Variants in TCTN2 observed in about 807,000 individuals in gnomAD.
The protein encoded by TCTN2 is tectonic family member 2.
Under a neutral mutation model 83.4 loss-of-function variants are expected in TCTN2, and 66 were observed. That is an observed-to-expected ratio of 0.79 (90% CI 0.65 to 0.97). TCTN2 has a LOEUF of 0.97. TCTN2 is among the 50% of genes least tolerant of loss of function. The probability of loss-of-function intolerance (pLI) is 0.00; values close to 1 mark genes in which losing one functional copy is unlikely to be tolerated. For missense variants in TCTN2, 794 were observed against 858.1 expected, an observed-to-expected ratio of 0.93 and a Z score of 0.93; for synonymous variants, 301 against 326.7, an observed-to-expected ratio of 0.92 and a Z score of 0.85.
chr12:123,694,757 G>T lies in TCTN2; in HGVS notation c.1100-85G>T, dbSNP rs921919256. On this transcript the variant is annotated intron_variant, in intron 9 of 17. Transcript: ENST00000303372. ...GGCAGGGGCAGGGCACTTGGGGAAG[G>T]CCACGCAAGCAGAGAGAACCTCCCA... 4.0e-6 allele frequency: 6 copies of T among 1,496,950 alleles called. No individual in the cohort carries two copies. The South Asian group carries it at 5.7e-5, about 14-fold the overall frequency. The allele number at this position is 1,496,950 out of a possible 1,614,324, so 92.7% of individuals were successfully genotyped here. A position where few individuals can be genotyped will look rare whatever the true frequency, so the allele number is the denominator to read the frequency against.
Position 123,697,506 on chromosome 12 carries a change from G to T in TCTN2, c.1505+308G>T, listed in dbSNP as rs577677196. Among the ~76,000 whole-genome samples the T allele has an allele frequency of 3.3e-5, 5 of 151,916 alleles. No individual in the cohort carries two copies. The East Asian group carries it at 5.8e-4, about 18-fold the overall frequency. On this transcript the variant is annotated intron_variant, in intron 13 of 17. Transcript: ENST00000303372. ...GAACCTTTTTTGTTGTTGTTGTGTG[G>T]TTTTTTTTGTTGAGATGAAGTCTCA...
intron 9 of TCTN2, among the ~76,000 whole-genome samples, chr12:123,694,469 C>T (rs769535464): frequency 2.0e-5 from 3 of 152,350 alleles, no homozygotes; most frequent in South Asian, 2.1e-4. Flanking sequence ...GGAGTTCCTA[C>T]GCCGTAGTAG....
In TCTN2 at chr12:123,673,695, C is replaced by G. The variant is rs1372668199; in HGVS notation, c.348C>G (p.Ser116=). The part of the protein sequence containing the change: ...SSNETDSFSE[S]PCILQTLLVS... ...ATGAGACAGATTCCTTCTCAGAGTC[C>G]CCCTGTATCCTCCAGACCCTTCTGG... The change falls in exon 4 of 18, where the codon TCC becomes TCG. Residue 116 remains serine (S), a synonymous_variant. Coordinates refer to ENST00000303372, the MANE Select transcript of TCTN2 (RefSeq NM_024809.5). The G allele has an allele frequency of 6.2e-7, 1 of 1,614,166 alleles. No individual in the cohort carries two copies. The highest frequency in any genetic ancestry group is 2.2e-5 in the East Asian group (1 of 44,888).
intron 5 of TCTN2, among the ~76,000 whole-genome samples, chr12:123,685,173 C>T (rs951965343): frequency 2.6e-5 from 4 of 152,122 alleles, no homozygotes; most frequent in African/African-American, 9.7e-5. Context: ...CTCCCTTTTG[C>T]ATGTGTTGTG....
At chr12:123,696,261 G>T in intron 11 of TCTN2, 154 bp from the exon 12 acceptor site, 2 of 652,830 alleles carry the variant, frequency 3.1e-6, no homozygotes, top group African/African-American at 1.9e-5. Flanking sequence ...TGTTTTTTTT[G>T]AGACCCGAAG....
chr12:123,689,675 C>T (rs1029021014), intron 7 of TCTN2, among the ~76,000 whole-genome samples: 17 of 152,106 alleles, frequency 1.1e-4, no homozygotes, highest in Non-Finnish European at 2.4e-4. Flanking sequence ...TCACTACCCT[C>T]AAGTAGGGTC....
Position 123,686,904 on chromosome 12 carries a change from C to T in TCTN2, c.633C>T (p.Val211=), listed in dbSNP as rs569266771. The change falls in exon 6 of 18, where the codon GTC becomes GTT. Residue 211 remains valine, a synonymous_variant. Transcript: ENST00000303372. The part of the protein sequence containing the change: ...SCFTGVFGGD[V]NPPFDQLCSA... ...TCACCGGCGTGTTTGGAGGAGACGT[C>T]AATCCTCCTTTTGATCAGCTCTGCT... 6.2e-7 allele frequency: 1 copy of T among 1,614,198 alleles called. No individual in the cohort carries two copies. The highest frequency in any genetic ancestry group is 1.1e-5 in the South Asian group (1 of 91,084).
At chr12:123,704,397 C>A in intron 14 of TCTN2, 135 bp from the exon 15 acceptor site, 3 of 868,804 alleles carry the variant, frequency 3.5e-6, no homozygotes, top group Non-Finnish European at 5.5e-6. Flanking sequence ...TGACAAGTAA[C>A]TAGAGCCTGT....
chr12:123,672,081 A>G lies in TCTN2; in HGVS notation c.216A>G (p.Gly72=). The change falls in exon 3 of 18, where the codon GGA becomes GGG. Residue 72 remains glycine, a synonymous_variant. Coordinates refer to ENST00000303372, the MANE Select transcript of TCTN2 (RefSeq NM_024809.5). ...GAATATTGCCAATTCCGACGTGTGG[A>G]GTGCTGAACAATGAGACGGAAGACT... The part of the protein sequence containing the change: ...EAGILPIPTC[G]VLNNETEDWS... The G allele has an allele frequency of 1.2e-6, 2 of 1,614,088 alleles. No individual in the cohort carries two copies. Among genetic ancestry groups the G allele is most frequent in the South Asian group, 2.2e-5 (2 of 91,068 alleles).
chr12:123,686,982 G>A lies in TCTN2; in HGVS notation c.711G>A (p.Val237=), dbSNP rs1259591585. 1 of 1,614,030 alleles carries A rather than the reference G, an allele frequency of 6.2e-7. No homozygotes were observed. The highest frequency in any genetic ancestry group is 1.3e-5 in the African/African-American group (1 of 74,908). The part of the protein sequence containing the change: ...GVPDWFPFLC[V]QSPLANTPFL... ...CCGATTGGTTTCCCTTTCTGTGTGT[G>A]CAGTCCCCCCTTGCCAACACACCCT... The change falls in exon 6 of 18, where the codon GTG becomes GTA. Residue 237 remains valine, a synonymous_variant. Coordinates refer to ENST00000303372, the MANE Select transcript of TCTN2 (RefSeq NM_024809.5).
At position 123,673,732 on chromosome 12, in the gene TCTN2, C is replaced by T. The variant is rs1955785433; in HGVS notation, c.385C>T (p.His129Tyr). The part of the protein sequence containing the change: ...ILQTLLVSAS[H>Y]NSSCSAHLLI... ...CCAGACCCTTCTGGTTTCAGCATCT[C>T]ATAATTCATCCTGTTCAGCACATCT... Residue 129 changes from histidine (H) to tyrosine (Y), a missense_variant, in exon 4 of 18, where the codon CAT (histidine) becomes TAT (tyrosine). His to Tyr is a moderately conservative substitution (Grantham distance 83, BLOSUM62 2). Transcript: ENST00000303372. 6.2e-7 allele frequency: 1 copy of T among 1,614,098 alleles called. No individual in the cohort carries two copies. Among genetic ancestry groups the T allele is most frequent in the African/African-American group, 1.3e-5 (1 of 74,924 alleles).
intron 4 of TCTN2, 80 bp downstream of exon 4, chr12:123,673,890 C>A: frequency 1.4e-6 from 2 of 1,426,922 alleles, no homozygotes; most frequent in Non-Finnish European, 2.0e-6. Flanking sequence ...ATTGCTTGAG[C>A]CCGGGAGGTT....
chr12:123,704,799 C>G (rs897243158), intron 15 of TCTN2, 111 bp downstream of exon 15: 3 of 1,172,528 alleles, frequency 2.6e-6, no homozygotes, highest in Non-Finnish European at 3.8e-6. Context: ...TTACAACTTG[C>G]AATTATTAGC....
At chr12:123,689,491 A>G (rs1220690291) in intron 7 of TCTN2, among the ~76,000 whole-genome samples, 2 of 152,150 alleles carry the variant, frequency 1.3e-5, no homozygotes, top group Non-Finnish European at 2.9e-5. Context: ...AGCAGTAACT[A>G]TCATTCTTTG....
In TCTN2 at chr12:123,686,805, C is replaced by T. The variant is rs200064894; in HGVS notation, c.565-31C>T. The T allele has an allele frequency of 4.3e-6, 7 of 1,611,240 alleles. No individual in the cohort carries two copies. The African/African-American group carries it at 9.3e-5, about 21-fold the overall frequency. On this transcript the variant is annotated intron_variant, in intron 5 of 17. Coordinates refer to ENST00000303372, the MANE Select transcript of TCTN2 (RefSeq NM_024809.5). ...CTTGCCAGGAGATCCTGACCACGGT[C>T]ACAGCTCCTGCCTTTATGTTTGTCT...
At position 123,704,046 on chromosome 12, in the gene TCTN2, C is replaced by T. The variant is rs1255617830; in HGVS notation, c.1613-486C>T. On this transcript the variant is annotated intron_variant, in intron 14 of 17. Coordinates refer to ENST00000303372, the MANE Select transcript of TCTN2 (RefSeq NM_024809.5). The stretch of plus-strand genomic sequence containing the variant: ...TTTTTGAGACAGAGTCTCCCTCTGT[C>T]GCCAGGCTGCAGTGCAGTGGTGTGA... Among the ~76,000 whole-genome samples, 11 of 141,530 alleles carry T rather than the reference C, an allele frequency of 7.8e-5. No homozygotes were observed. The East Asian group carries it at 1.3e-3, about 16-fold the overall frequency. The allele number at this position is 141,530 out of a possible 152,430, so 92.8% of individuals were successfully genotyped here.
In TCTN2 at chr12:123,673,618, G is replaced by T. The variant is rs371662397; in HGVS notation, c.271G>T (p.Val91Leu). 52 of 1,614,182 alleles carry T rather than the reference G, an allele frequency of 3.2e-5. No individual in the cohort carries two copies. Among genetic ancestry groups the T allele is most frequent in the Middle Eastern group, 1.6e-4 (1 of 6,062 alleles). The change falls in exon 4 of 18, where the codon GTG becomes TTG. Residue 91 changes from valine (V) to leucine (L), a missense_variant. Transcript: ENST00000303372. ...TACAGCAATGTTTTCCTTTCAGAAG[G>T]TGTTGGAAGTGACAGTGAGGTGGAA... ...WSVTVIPGAK[V>L]LEVTVRWKRG... is the part of the protein sequence containing the mutation.
chr12:123,676,204 C>A (rs891970235), intron 4 of TCTN2, among the ~76,000 whole-genome samples: 13 of 151,960 alleles, frequency 8.6e-5, no homozygotes, highest in African/African-American at 3.1e-4. Flanking sequence ...CGCTTGAGCC[C>A]AGGAGGTGGA....
At chr12:123,694,700 C>A in intron 9 of TCTN2, 142 bp from the exon 10 acceptor site, 1 of 812,258 alleles carries the variant, frequency 1.2e-6, no homozygotes, top group Non-Finnish European at 2.0e-6. Context: ...GAAGCAGTGA[C>A]CGTGCCATGT....
Sources: allele counts gnomAD v4.1 joint callset (sites outside exome capture counted in the v4.1 genomes callset), GRCh38; gene constraint gnomAD v4.1.1; transcripts MANE v1.5; gene names NCBI Gene and HGNC (gene_info 2026-07-23, HGNC 2026-07-21).